The following SLX4IP variants were observed in gnomAD, a reference collection of about 807,000 sequenced individuals.
The protein encoded by SLX4IP is SLX4 interacting protein, also known as protein SLX4IP.
In SLX4IP, 34 loss-of-function variants were observed where a neutral mutation model predicts 32.9. That is an observed-to-expected ratio of 1.03 (90% CI 0.79 to 1.38). The LOEUF (loss-of-function observed/expected upper bound fraction) is 1.38, where lower values mean the gene tolerates loss of function less well. SLX4IP is among the 40% of genes most tolerant of loss of function. The probability of loss-of-function intolerance (pLI) is 0.00; values close to 1 mark genes in which losing one functional copy is unlikely to be tolerated. For synonymous variants in SLX4IP, 172 were observed against 171.7 expected (o/e 1.00, Z -0.01); for missense variants, 444 against 479.0 (o/e 0.93, Z 0.68).
intron 2 of SLX4IP, among the ~76,000 whole-genome samples, chr20:10,546,365 G>A (rs1036515231): frequency 3.3e-5 from 5 of 152,208 alleles, no homozygotes; most frequent in East Asian, 1.9e-4. Flanking sequence ...GCTCTTTTTC[G>A]TAGAAGCAGT....
chr20:10,544,091 G>T (rs1238345411), intron 2 of SLX4IP, among the ~76,000 whole-genome samples: 1 of 152,090 alleles, frequency 6.6e-6, no homozygotes, highest in Non-Finnish European at 1.5e-5. Context: ...CCAGGCTCTG[G>T]TGCCCTGGGA....
intron 2 of SLX4IP, among the ~76,000 whole-genome samples, chr20:10,491,821 A>G (rs1476709017): frequency 1.3e-5 from 2 of 152,190 alleles, no homozygotes; most frequent in African/African-American, 4.8e-5. Context: ...ATACCCGTGT[A>G]TGTCTCCTCA....
intron 1 of SLX4IP, among the ~76,000 whole-genome samples, chr20:10,449,560 T>A (rs2065226020): frequency 6.6e-6 from 1 of 152,170 alleles, no homozygotes; most frequent in Admixed American, 6.5e-5. Context: ...GGTTAGGCCA[T>A]CAGCTGTGAG....
chr20:10,574,983 T>G (rs2066509168), intron 4 of SLX4IP, among the ~76,000 whole-genome samples: 1 of 152,120 alleles, frequency 6.6e-6, no homozygotes, highest in Non-Finnish European at 1.5e-5. Flanking sequence ...GCAAGACTTT[T>G]TTTTAATGAG....
intron 1 of SLX4IP, among the ~76,000 whole-genome samples, chr20:10,448,044 T>C (rs979505008): frequency 7.3e-5 from 11 of 151,712 alleles, no homozygotes; most frequent in African/African-American, 2.7e-4. Context: ...CTGTAGTGTT[T>C]AGCTAACCTT....
intron 1 of SLX4IP, among the ~76,000 whole-genome samples, chr20:10,442,637 T>C (rs923676044): frequency 6.6e-6 from 1 of 152,218 alleles, no homozygotes; most frequent in African/African-American, 2.4e-5. Flanking sequence ...AAAATAAAAA[T>C]GCCACTGAAT....
intron 2 of SLX4IP, among the ~76,000 whole-genome samples, chr20:10,488,477 G>T (rs1364300670): frequency 6.6e-6 from 1 of 152,176 alleles, no homozygotes; most frequent in African/African-American, 2.4e-5. Flanking sequence ...AACTGTGAGA[G>T]AGTACATTTC....
chr20:10,616,673 T>C (rs953071328), intron 6 of SLX4IP, among the ~76,000 whole-genome samples: 2 of 152,160 alleles, frequency 1.3e-5, no homozygotes, highest in African/African-American at 4.8e-5. Context: ...CAAAATGCTC[T>C]TCCCCGTCTG....
chr20:10,612,891 C>A (rs2066984074), intron 6 of SLX4IP: 1 of 154,204 alleles, frequency 6.5e-6, no homozygotes, highest in African/African-American at 2.4e-5. Context: ...TTTATTTAAT[C>A]ATATACAAAT....
intron 4 of SLX4IP, among the ~76,000 whole-genome samples, chr20:10,577,663 G>T (rs375920124): frequency 4.6e-5 from 7 of 152,338 alleles, no homozygotes; most frequent in African/African-American, 1.7e-4. Context: ...CGAGGCTGCC[G>T]TGATCTATGA....
chr20:10,582,619 A>G (rs2066598645), intron 4 of SLX4IP, among the ~76,000 whole-genome samples: 1 of 152,168 alleles, frequency 6.6e-6, no homozygotes, highest in Non-Finnish European at 1.5e-5. Context: ...TTGGGCCACT[A>G]GTTTAAAAAT....
intron 4 of SLX4IP, among the ~76,000 whole-genome samples, chr20:10,570,675 C>T (rs903323842): frequency 1.3e-5 from 2 of 150,862 alleles, no homozygotes; most frequent in African/African-American, 4.9e-5. Flanking sequence ...ATTACAGGCG[C>T]CTGCCACCAC....
At position 10,556,245 on chromosome 20, in the gene SLX4IP, T is replaced by G; in HGVS notation, c.42T>G (p.Ala14=). 1 of 1,613,696 alleles carries G rather than the reference T, an allele frequency of 6.2e-7. No individual in the cohort carries two copies. The highest frequency in any genetic ancestry group is 1.1e-5 in the South Asian group (1 of 90,928). ...ATGTCTTTCAGTGTGGGAATTTTGC[T>G]GTCCTCGTGGATCTTCATATCTTGC... The part of the protein sequence containing the change: ...KKFAVKCGNF[A]VLVDLHILPQ... Residue 14 remains alanine, a synonymous_variant, in exon 3 of 8, where the codon GCT becomes GCG. Transcript: ENST00000334534.
In SLX4IP at chr20:10,518,544, T is replaced by C. The variant is rs551935388; in HGVS notation, c.28-37687T>C. On this transcript the variant is annotated intron_variant, in intron 2 of 7. Coordinates refer to ENST00000334534, the MANE Select transcript of SLX4IP (RefSeq NM_001009608.3). ...TTCCTTCCTTCCTTCCTTCCTTCCT[T>C]CCTTCCTTTCCTTCTTTCTTTCTTT... 4.5e-4 allele frequency among the ~76,000 whole-genome samples: 41 copies of C among 91,094 alleles called. 1 individual carries two copies. The highest frequency in any genetic ancestry group is 1.5e-3 in the African/African-American group (41 of 27,228). The allele number at this position is 91,094 out of a possible 152,430, so 59.8% of individuals were successfully genotyped here. A position where few individuals can be genotyped will look rare whatever the true frequency, so the allele number is the denominator to read the frequency against.
At chr20:10,608,739 A>G (rs2066933522) in intron 6 of SLX4IP, among the ~76,000 whole-genome samples, 1 of 151,500 alleles carries the variant, frequency 6.6e-6, no homozygotes, top group East Asian at 1.9e-4. Context: ...ATTTTTATCA[A>G]CATCATTTCC....
At chr20:10,557,930 GACCTGCAGAGCAGTGCTGC>G (rs1485360418) in intron 3 of SLX4IP, among the ~76,000 whole-genome samples, 1 of 152,188 alleles carries the variant, frequency 6.6e-6, no homozygotes, top group African/African-American at 2.4e-5. Flanking sequence ...TGCATGACAG[GACCTGCAGAGCAGTGCTGC>G]ACTGGCAGCT....
At chr20:10,443,494 G>A (rs2065174759) in intron 1 of SLX4IP, among the ~76,000 whole-genome samples, 1 of 152,230 alleles carries the variant, frequency 6.6e-6, no homozygotes, top group African/African-American at 2.4e-5. Flanking sequence ...GGTGGCATCT[G>A]AGTTGGGTCT....
At chr20:10,524,129 G>T (rs1395716877) in intron 2 of SLX4IP, among the ~76,000 whole-genome samples, 1 of 152,226 alleles carries the variant, frequency 6.6e-6, no homozygotes, top group African/African-American at 2.4e-5. Flanking sequence ...AGCAGGCCTG[G>T]GCCAGCCCCA....
intron 2 of SLX4IP, among the ~76,000 whole-genome samples, chr20:10,509,497 T>C (rs1321560440): frequency 6.6e-6 from 1 of 152,130 alleles, no homozygotes; most frequent in African/African-American, 2.4e-5. Context: ...AAGTAGAGGG[T>C]CGCTCTCCTG....
Sources: gnomAD v4.1 joint callset for allele counts (sites outside exome capture counted in the v4.1 genomes callset) on GRCh38, gnomAD v4.1.1 for gene constraint, MANE v1.5 for transcripts, NCBI Gene and HGNC (gene_info 2026-07-23, HGNC 2026-07-21) for gene names.